COL5A3: variants seen among roughly 807,000 people sequenced by gnomAD.
The protein encoded by COL5A3 is collagen type V alpha 3 chain, also known as collagen alpha-3(V) chain.
A neutral mutation model predicts 250.0 loss-of-function variants in COL5A3; 172 were observed. That is an observed-to-expected ratio of 0.69 (90% CI 0.61 to 0.78). The LOEUF is 0.78. Among genes scored for constraint, COL5A3 ranks in the 30% least tolerant of loss-of-function variants. The pLI is 0.00. For synonymous variants in COL5A3, 937 were observed against 900.4 expected, an observed-to-expected ratio of 1.04 and a Z score of -0.73; for missense variants, 2,340 against 2,334.4, an observed-to-expected ratio of 1.00 and a Z score of -0.05.
At chr19:9,960,952 AC>A in intron 65 of COL5A3, 62 bp from the exon 66 acceptor site, 4 of 1,571,076 alleles carry the variant, frequency 2.5e-6, no homozygotes, top group Middle Eastern at 3.7e-4. Context: ...TGCAGAAGCC[AC>A]CCCCTGGAAT....
rs922813398 is a variant in COL5A3 at position 9,998,533 on chromosome 19, G to T, written c.1111-384C>A. Among the ~76,000 whole-genome samples the T allele has an allele frequency of 3.3e-5, 5 of 152,156 alleles. No homozygotes were observed. In the East Asian group the frequency reaches 9.6e-4, roughly 29 times the overall value. On this transcript the variant is annotated intron_variant, in intron 8 of 66. Coordinates refer to ENST00000264828, the MANE Select transcript of COL5A3 (RefSeq NM_015719.4). ...GCCTGTGTATATATCATGCAAAGAT[G>T]AATGAATTAAAACAATGCTTGGCAC...
Position 9,971,040 on chromosome 19 carries a change from G to T in COL5A3, c.3829-12C>A, listed in dbSNP as rs186951793. On this transcript the variant is annotated splice_polypyrimidine_tract_variant and intron_variant, in intron 52 of 66. Transcript: ENST00000264828. ...GAACCATCTATGCCCTGCATGGGGGGAAGACAGAGTTGGGAGGGGTGATGA... is the reference window on the plus strand; with the variant it reads ...GAACCATCTATGCCCTGCATGGGGGTAAGACAGAGTTGGGAGGGGTGATGA... The T allele has an allele frequency of 3.0e-3, 4,595 of 1,512,804 alleles. 16 individuals are homozygous for T. Among genetic ancestry groups the T allele is most frequent in the Non-Finnish European group, 3.5e-3 (3,936 of 1,135,356 alleles). The allele number at this position is 1,512,804 out of a possible 1,614,324, so 93.7% of individuals were successfully genotyped here.
rs964600800 is a variant in COL5A3, at chr19:9,982,085, T to C, written c.2440A>G (p.Ile814Val). Residue 814 changes from isoleucine (I) to valine (V), a missense_variant, in exon 32 of 67, where the codon ATA becomes GTA. By Grantham distance (29) the Ile-to-Val change is conservative. Transcript: ENST00000264828. The part of the protein sequence containing the change: ...SIGFPGPLGP[I>V]GEKGKSGKTG... Reference sequence around the variant, plus strand: ...CTCACCGACTTCCCTTTCTCTCCTATGGGTCCCAGGGGACCGGGAAATCCA... The same window carrying C: ...CTCACCGACTTCCCTTTCTCTCCTACGGGTCCCAGGGGACCGGGAAATCCA... The C allele has an allele frequency of 6.2e-7, 1 of 1,610,420 alleles. No homozygotes were observed. The highest frequency in any genetic ancestry group is 8.5e-7 in the Non-Finnish European group (1 of 1,178,048).
chr19:9,968,346 C>T lies in COL5A3; in HGVS notation c.4314+39G>A. 6.8e-7 allele frequency: 1 copy of T among 1,464,276 alleles called. No individual in the cohort carries two copies. Among genetic ancestry groups the T allele is most frequent in the Non-Finnish European group, 9.5e-7 (1 of 1,055,612 alleles). 90.7% of individuals were successfully genotyped at this position (1,464,276 alleles called of 1,614,324 possible). A position where few individuals can be genotyped will look rare whatever the true frequency, so the allele number is the denominator to read the frequency against. ...CCACAGTCTCTCAACCGACCCCCTCCTTCAAATGCATTCTTCCCGCTCAGG... is the reference window on the plus strand; with the variant it reads ...CCACAGTCTCTCAACCGACCCCCTCTTTCAAATGCATTCTTCCCGCTCAGG... On this transcript the variant is annotated intron_variant, in intron 59 of 66. Transcript: ENST00000264828. The surrounding 1 kb of genome is among the most constrained non-coding windows in gnomAD (Gnocchi z 4.1).
rs1287484687 is a variant in COL5A3 at position 9,960,280 on chromosome 19, C to T, written c.*131G>A. ...CTGGAAAGGAGAAGGAATGACTGTCCGTGATGAGCGAAGTCACATCCCATT... is the reference window on the plus strand; with the variant it reads ...CTGGAAAGGAGAAGGAATGACTGTCTGTGATGAGCGAAGTCACATCCCATT... On this transcript the variant is annotated 3_prime_UTR_variant, in exon 67 of 67. Transcript: ENST00000264828. The T allele has an allele frequency of 1.2e-5, 14 of 1,129,384 alleles. No individual in the cohort carries two copies. The highest frequency in any genetic ancestry group is 3.1e-5 in the African/African-American group (2 of 64,556). The allele number at this position is 1,129,384 out of a possible 1,614,324, so 70.0% of individuals were successfully genotyped here.
At chr19:9,990,047 C>T (rs897948659) in intron 24 of COL5A3, among the ~76,000 whole-genome samples, 3 of 141,484 alleles carry the variant, frequency 2.1e-5, no homozygotes, top group South Asian at 4.5e-4. Context: ...CCACTGTGCC[C>T]GCCTTCCCTG....
In COL5A3 at chr19:9,968,636, G is replaced by A. The variant is rs746051926; in HGVS notation, c.4206+39C>T. ...CAGCCAGGGAGGGAGGGAAAGAGGG[G>A]AGGAGATGGGGAAGAGAATAATGGA... On this transcript the variant is annotated intron_variant, in intron 58 of 66. Transcript: ENST00000264828. The surrounding 1 kb of genome is among the most constrained non-coding windows in gnomAD (Gnocchi z 4.1). 6.2e-7 allele frequency: 1 copy of A among 1,604,006 alleles called. No individual in the cohort carries two copies. Among genetic ancestry groups the A allele is most frequent in the Non-Finnish European group, 8.5e-7 (1 of 1,173,160 alleles).
At chr19:9,969,032 C>A in intron 57 of COL5A3, 2 of 581,470 alleles carry the variant, frequency 3.4e-6, no homozygotes, top group Non-Finnish European at 6.0e-6. Flanking sequence ...CAGTGTAGAC[C>A]ATCAAGGTGG....
At chr19:9,996,825 G>T (rs759944633) in intron 11 of COL5A3, 136 bp from the exon 12 acceptor site, 11 of 650,208 alleles carry the variant, frequency 1.7e-5, no homozygotes, top group Non-Finnish European at 2.8e-5. Context: ...ATCAAAGAGG[G>T]ATCATGGCAA....
chr19:9,978,800 G>T, intron 40 of COL5A3, 91 bp downstream of exon 40: 1 of 1,041,264 alleles, frequency 9.6e-7, no homozygotes, highest in Non-Finnish European at 1.3e-6. Context: ...ATCATTTCCC[G>T]CACCCCAAAT....
chr19:9,992,931 G>A (rs1247597045), intron 20 of COL5A3, 51 bp from the exon 21 acceptor site: 1 of 1,609,166 alleles, frequency 6.2e-7, no homozygotes, highest in Non-Finnish European at 8.5e-7. Context: ...GTGGCCATGT[G>A]AGCTCTAGGG....
At position 9,996,124 on chromosome 19, in the gene COL5A3, G is replaced by T. The variant is rs368054777; in HGVS notation, c.1480-5C>A. 4.2e-5 allele frequency: 66 copies of T among 1,572,366 alleles called. No homozygotes were observed. Among genetic ancestry groups the T allele is most frequent in the Non-Finnish European group, 5.0e-5 (58 of 1,161,728 alleles). ...ACCTGGATGCCCGGGGAGACCCTTG[G>T]GGGAGGAGAGATGGAGGAGTGTGGG... On this transcript the variant is annotated splice_region_variant and splice_polypyrimidine_tract_variant and intron_variant, in intron 14 of 66. Transcript: ENST00000264828.
At chr19:9,972,368 T>C (rs1000632339) in intron 51 of COL5A3, among the ~76,000 whole-genome samples, 1 of 152,174 alleles carries the variant, frequency 6.6e-6, no homozygotes, top group Non-Finnish European at 1.5e-5. Flanking sequence ...CATTTATTCA[T>C]TCACGTATTC....
In COL5A3 at chr19:9,992,815, A is replaced by G. The variant is rs376644700; in HGVS notation, c.1848+12T>C. ...AAGACAGACAGGGATGCAGAGAGCCAGTGACACTCACCGGGCGACCCGTGG... is the reference window on the plus strand; with the variant it reads ...AAGACAGACAGGGATGCAGAGAGCCGGTGACACTCACCGGGCGACCCGTGG... On this transcript the variant is annotated intron_variant, in intron 21 of 66. Transcript: ENST00000264828. 1.4e-4 allele frequency: 226 copies of G among 1,613,128 alleles called. No individual in the cohort carries two copies. In the East Asian group the frequency reaches 3.0e-3, roughly 21 times the overall value.
chr19:9,979,291 C>T lies in COL5A3; in HGVS notation c.2767-52G>A, dbSNP rs369044626. 115 of 1,601,938 alleles carry T rather than the reference C, an allele frequency of 7.2e-5. No individual in the cohort carries two copies. In the African/African-American group the frequency reaches 1.4e-3, roughly 19 times the overall value. On this transcript the variant is annotated intron_variant, in intron 38 of 66. Transcript: ENST00000264828. ...GTGGGGGTGGCCTAGGGGAGTCGCT[C>T]AGGAGTCCAGCTTTCCCCTAAATAT...
Position 9,960,876 on chromosome 19 carries a change from G to C in COL5A3, c.4866C>G (p.Asp1622Glu). 6.2e-7 allele frequency: 1 copy of C among 1,605,820 alleles called. No individual in the cohort carries two copies. Among genetic ancestry groups the C allele is most frequent in the Non-Finnish European group, 8.5e-7 (1 of 1,179,988 alleles). Residue 1622 changes from aspartate (D) to glutamate (E), a missense_variant, in exon 66 of 67, where the codon GAC becomes GAG. Transcript: ENST00000264828. ...FRRGKKFSYV[D>E]ADGSPVNVVQ... is the part of the protein sequence containing the mutation. ...CGACATTCACTGGGGACCCGTCGGC[G>C]TCCACGTAGGAGAACTGGTGAGAGG...
intron 27 of COL5A3, among the ~76,000 whole-genome samples, chr19:9,988,833 CAAA>C (rs67181648): frequency 4.8e-4 from 19 of 39,416 alleles, no homozygotes; most frequent in African/African-American, 2.1e-3. Context: ...GACTCTGTCT[CAAA>C]AAAAAAAAAA....
At chr19:9,982,943 C>G (rs372441949) in intron 31 of COL5A3, among the ~76,000 whole-genome samples, 1 of 152,128 alleles carries the variant, frequency 6.6e-6, no homozygotes, top group African/African-American at 2.4e-5. Context: ...GCAGCTTCAA[C>G]CTTTTGGGCT....
chr19:9,981,122 C>T lies in COL5A3; in HGVS notation c.2471G>A (p.Gly824Glu), dbSNP rs763558197. 6.2e-7 allele frequency: 1 copy of T among 1,613,960 alleles called. No individual in the cohort carries two copies. The highest frequency in any genetic ancestry group is 8.5e-7 in the Non-Finnish European group (1 of 1,179,932). The part of the protein sequence containing the change: ...IGEKGKSGKT[G>E]QPGLEGERGP... ...CCGCTCTCCTTCCAGGCCTGGCTGC[C>T]CTGTCTTTCCCTGAAAATGAATTGT... Residue 824 changes from glycine to glutamate, a missense_variant, in exon 33 of 67, where the codon GGG becomes GAG. By Grantham distance (98) the Gly-to-Glu change is moderately conservative (BLOSUM62 -2). Coordinates refer to ENST00000264828, the MANE Select transcript of COL5A3 (RefSeq NM_015719.4).
Sources: gnomAD v4.1 joint callset for allele counts (sites outside exome capture counted in the v4.1 genomes callset) on GRCh38, gnomAD v4.1.1 for gene constraint, Gnocchi (gnomAD v3.1) non-coding constraint, MANE v1.5 for transcripts, NCBI Gene and HGNC (gene_info 2026-07-23, HGNC 2026-07-21) for gene names.